The following CHEK2 variants were observed in gnomAD, a reference collection of about 807,000 sequenced individuals.
CHEK2 encodes the protein checkpoint kinase 2, also known as serine/threonine-protein kinase Chk2.
A neutral mutation model predicts 69.1 loss-of-function variants in CHEK2; 71 were observed. That is an observed-to-expected ratio of 1.03 (90% CI 0.85 to 1.25). The LOEUF (loss-of-function observed/expected upper bound fraction) is 1.25. Ranked by LOEUF, CHEK2 falls within the 50% of genes most tolerant of loss-of-function variation. CHEK2 has a pLI of 0.00. For missense variants in CHEK2, 664 were observed against 649.6 expected, an observed-to-expected ratio of 1.02 and a Z score of -0.24; for synonymous variants, 189 against 226.9, an observed-to-expected ratio of 0.83 and a Z score of 1.50.
rs876658872 is a variant in CHEK2 at position 28,687,959 on chromosome 22, C to T, written c.1570G>A (p.Glu524Lys). 6.3e-7 allele frequency: 1 copy of T among 1,596,362 alleles called. No individual in the cohort carries two copies. The highest frequency in any genetic ancestry group is 2.3e-4 in the Middle Eastern group (1 of 4,428). Reference sequence around the variant, plus strand: ...GTCTCGGCACCCTCGGCTTCCCCTTCACGGGGCCGCTTTCGACTAGTAGAA... The same window carrying T: ...GTCTCGGCACCCTCGGCTTCCCCTTTACGGGGCCGCTTTCGACTAGTAGAA... ...QPSTSRKRPR[E>K]GEAEGAETTK... The change falls in exon 15 of 15, where the codon GAA (glutamate) becomes AAA (lysine). Residue 524 changes from glutamate (E) to lysine (K), a missense_variant. Transcript: ENST00000404276.
At chr22:28,715,761 T>C (rs1383043209) in intron 5 of CHEK2, among the ~76,000 whole-genome samples, 6 of 152,188 alleles carry the variant, frequency 3.9e-5, no homozygotes, top group Admixed American at 3.9e-4. Context: ...TTTTTTCTCT[T>C]ACCTGACTCA....
rs1555921387 is a variant in CHEK2, at chr22:28,712,020, A to G, written c.684-3T>C. The G allele has an allele frequency of 6.2e-7, 1 of 1,604,306 alleles. No homozygotes were observed. Among genetic ancestry groups the G allele is most frequent in the Non-Finnish European group, 8.5e-7 (1 of 1,171,802 alleles). On this transcript the variant is annotated splice_region_variant and splice_polypyrimidine_tract_variant and intron_variant, in intron 5 of 14. Transcript: ENST00000404276. ...GCTTTACCTCTCCACAGGCACCACT[A>G]GAGGGAAAAACAAAGATAGTGATTG... is the stretch of plus-strand genomic sequence containing the variant.
intron 4 of CHEK2, 108 bp downstream of exon 4, chr22:28,724,869 T>A: frequency 8.4e-7 from 1 of 1,190,606 alleles, no homozygotes; most frequent in South Asian, 1.2e-5. Flanking sequence ...CCCAGCAACT[T>A]ACTCATCTTT....
chr22:28,734,872 C>G, intron 1 of CHEK2, 145 bp from the exon 2 acceptor site: 1 of 699,714 alleles, frequency 1.4e-6, no homozygotes, highest in South Asian at 1.8e-5. Flanking sequence ...ATTAAAAGTC[C>G]TAACAGCCCA....
chr22:28,706,366 T>C (rs1007988916), intron 7 of CHEK2, among the ~76,000 whole-genome samples: 2 of 151,938 alleles, frequency 1.3e-5, no homozygotes, highest in African/African-American at 4.8e-5. Context: ...GGTAATGGCA[T>C]TACCTCTGGG....
At chr22:28,719,865 A>C (rs2053711446) in intron 4 of CHEK2, among the ~76,000 whole-genome samples, 1 of 152,200 alleles carries the variant, frequency 6.6e-6, no homozygotes, top group African/African-American at 2.4e-5. Context: ...CATCAGTCTG[A>C]GCCTAGAAAA....
intron 9 of CHEK2, among the ~76,000 whole-genome samples, chr22:28,699,154 G>A (rs1468223684): frequency 1.3e-5 from 2 of 151,868 alleles, no homozygotes; most frequent in East Asian, 1.9e-4. Flanking sequence ...ACAGGTGCCC[G>A]CCACCATGCC....
At chr22:28,737,185 C>T (rs1442435609) in intron 1 of CHEK2, 2 of 439,430 alleles carry the variant, frequency 4.6e-6, no homozygotes, top group East Asian at 1.4e-4. Context: ...TCGCATAGTA[C>T]AGAACCCTAT....
At chr22:28,712,142 G>C in intron 5 of CHEK2, 125 bp from the exon 6 acceptor site, 1 of 701,804 alleles carries the variant, frequency 1.4e-6, no homozygotes, top group South Asian at 1.6e-5. Context: ...CATTGTCCCT[G>C]TTTGCAGAGG....
At chr22:28,690,868 G>C (rs552035451) in intron 13 of CHEK2, among the ~76,000 whole-genome samples, 72 of 147,544 alleles carry the variant, frequency 4.9e-4, no homozygotes, top group African/African-American at 1.7e-3. Context: ...GAATGGAGGA[G>C]AGGGGAGGGG....
At chr22:28,715,469 GAGTGCAGTGATGCCATCTTGGCTCACTGC>G in intron 5 of CHEK2, among the ~76,000 whole-genome samples, 1 of 151,872 alleles carries the variant, frequency 6.6e-6, no homozygotes, top group African/African-American at 2.4e-5. Context: ...ACCCAGGCTG[GAGTGCAGTGATGCCATCTTGGCTCACTGC>G]AACCTCCGCC....
intron 5 of CHEK2, among the ~76,000 whole-genome samples, chr22:28,713,040 T>C (rs921029042): frequency 1.3e-5 from 2 of 152,222 alleles, no homozygotes; most frequent in African/African-American, 2.4e-5. Flanking sequence ...TCTCTAAATA[T>C]TGATTTGCCT....
chr22:28,719,352 A>G, intron 5 of CHEK2, 43 bp downstream of exon 5: 1 of 1,052,490 alleles, frequency 9.5e-7, no homozygotes, highest in Non-Finnish European at 1.4e-6. Context: ...TCACAAATGT[A>G]TAGTGAAAAA....
chr22:28,733,378 G>T (rs2054274039), intron 2 of CHEK2, among the ~76,000 whole-genome samples: 1 of 152,132 alleles, frequency 6.6e-6, no homozygotes, highest in African/African-American at 2.4e-5. Flanking sequence ...AGGGTCCAAA[G>T]CTACCTTCAG....
At chr22:28,711,853 T>C (rs1278952623) in intron 6 of CHEK2, 56 bp downstream of exon 6, 10 of 1,133,828 alleles carry the variant, frequency 8.8e-6, no homozygotes, top group African/African-American at 1.5e-5. Flanking sequence ...AAGATTATTT[T>C]GGGAAGTTAT....
intron 1 of CHEK2, among the ~76,000 whole-genome samples, chr22:28,735,578 C>T (rs1454783152): frequency 6.6e-6 from 1 of 152,066 alleles, no homozygotes; most frequent in African/African-American, 2.4e-5. Context: ...TATTTAACAC[C>T]TTATTATAAA....
rs2053360703 is a variant in CHEK2 at position 28,710,656 on chromosome 22, C to T, written c.793-597G>A. On this transcript the variant is annotated intron_variant, in intron 6 of 14. Transcript: ENST00000404276. ...TACTAAAGTTGTTCTGTTACAATTC[C>T]AAAAGGATGAATCAAGTAACTCAGC... Among the ~76,000 whole-genome samples the T allele has an allele frequency of 2.0e-5, 3 of 152,096 alleles. No homozygotes were observed. In the South Asian group the frequency reaches 6.2e-4, roughly 32 times the overall value.
chr22:28,727,693 A>C (rs776426503), intron 2 of CHEK2, among the ~76,000 whole-genome samples: 12 of 152,250 alleles, frequency 7.9e-5, no homozygotes, highest in Non-Finnish European at 1.5e-4. Context: ...AAAATAGGTA[A>C]AGGATATGAA....
rs2145878371 is a variant in CHEK2, at chr22:28,703,552, C to G, written c.861G>C (p.Lys287Asn). Residue 287 changes from lysine to asparagine, a missense_variant, in exon 8 of 15, where the codon AAG becomes AAC. Physicochemically the swap from Lys to Asn is moderately conservative, Grantham distance 94 (BLOSUM62 0). Transcript: ENST00000404276. ...LKKLNHPCIIKIKNFFDAEDY... is the reference protein window; with the variant it reads ...LKKLNHPCIINIKNFFDAEDY... ...CTTCTGCATCAAAAAAGTTTTTAAT[C>G]TTGATGATGCAAGGCTAAGAAGAGG... is the stretch of plus-strand genomic sequence containing the variant. The G allele has an allele frequency of 6.4e-7, 1 of 1,560,350 alleles. No individual in the cohort carries two copies. The highest frequency in any genetic ancestry group is 8.8e-7 in the Non-Finnish European group (1 of 1,137,236).
Sources: gnomAD v4.1 joint callset for allele counts (sites outside exome capture counted in the v4.1 genomes callset) on GRCh38, gnomAD v4.1.1 for gene constraint, MANE v1.5 for transcripts, NCBI Gene and HGNC (gene_info 2026-07-23, HGNC 2026-07-21) for gene names.